LRRC7: variants seen among roughly 807,000 people sequenced by gnomAD.
LRRC7 encodes the protein leucine-rich repeat-containing protein 7.
A neutral mutation model predicts 175.7 loss-of-function variants in LRRC7; 23 were observed. The observed-to-expected ratio is 0.13, with a 90% confidence interval of 0.09 to 0.19. The LOEUF (loss-of-function observed/expected upper bound fraction) is 0.19, where lower values mean the gene tolerates loss of function less well. Ranked by LOEUF, LRRC7 falls within the 10% of genes least tolerant of loss-of-function variation. The probability of loss-of-function intolerance (pLI) is 1.00; values close to 1 mark genes in which losing one functional copy is unlikely to be tolerated. For missense variants in LRRC7, 1,354 were observed against 1,904.7 expected, an observed-to-expected ratio of 0.71 and a Z score of 5.38; for synonymous variants, 685 against 680.9, an observed-to-expected ratio of 1.01 and a Z score of -0.09.
At chr1:69,781,738 AGAGAGAG>A (rs1673613861) in intron 3 of LRRC7, among the ~76,000 whole-genome samples, 2 of 44,574 alleles carry the variant, frequency 4.5e-5, no homozygotes, top group African/African-American at 2.8e-4. Context: ...AAAGAAAGAG[AGAGAGAG>A]AGAGAGAGAG....
intron 1 of LRRC7, among the ~76,000 whole-genome samples, chr1:69,598,362 T>C (rs1327902408): frequency 6.6e-6 from 1 of 152,124 alleles, no homozygotes; most frequent in Non-Finnish European, 1.5e-5. Context: ...TTGCCTGATA[T>C]ATGAATATAT....
intron 2 of LRRC7, among the ~76,000 whole-genome samples, chr1:69,700,768 C>T (rs969726371): frequency 3.3e-5 from 5 of 152,180 alleles, no homozygotes; most frequent in African/African-American, 1.2e-4. Context: ...TCAGTTGCCA[C>T]CATTAATATG....
At chr1:70,044,623 G>A (rs1379840225) in intron 22 of LRRC7, among the ~76,000 whole-genome samples, 1 of 152,096 alleles carries the variant, frequency 6.6e-6, no homozygotes. Flanking sequence ...AGAAAAATAT[G>A]AGAAACAAGT....
At chr1:69,925,063 G>C (rs1259576566) in intron 7 of LRRC7, among the ~76,000 whole-genome samples, 1 of 152,026 alleles carries the variant, frequency 6.6e-6, no homozygotes, top group Non-Finnish European at 1.5e-5. Context: ...ATAATCATGT[G>C]GTTTTTGTCT....
chr1:69,988,290 C>T (rs188843423), intron 10 of LRRC7, among the ~76,000 whole-genome samples: 1 of 152,180 alleles, frequency 6.6e-6, no homozygotes, highest in Non-Finnish European at 1.5e-5. Context: ...CCACACTCAC[C>T]CAGGCATGGT....
chr1:70,023,401 AATCTCC>A (rs1287161791), intron 17 of LRRC7, 27 bp downstream of exon 17: 1 of 1,529,462 alleles, frequency 6.5e-7, no homozygotes, highest in Non-Finnish European at 8.8e-7. Context: ...GGGGTAGGAG[AATCTCC>A]CATGTAGAGG....
intron 2 of LRRC7, among the ~76,000 whole-genome samples, chr1:69,735,413 C>A: frequency 6.6e-6 from 1 of 152,014 alleles, no homozygotes; most frequent in East Asian, 1.9e-4. Flanking sequence ...ATTATTTCTT[C>A]ATTATTGTAT....
chr1:69,683,021 G>T (rs1364253940), intron 2 of LRRC7, among the ~76,000 whole-genome samples: 2 of 152,060 alleles, frequency 1.3e-5, no homozygotes, highest in Non-Finnish European at 2.9e-5. Flanking sequence ...ACGTCTCTCT[G>T]TTCATCCCAA....
chr1:69,712,015 G>T lies in LRRC7; in HGVS notation c.100+33537G>T, dbSNP rs1437990683. On this transcript the variant is annotated intron_variant, in intron 2 of 26. Transcript: ENST00000651989. Reference sequence around the variant, plus strand: ...ATATAATCAAAGCACTGCATGAGGAGATTGTATTTCAAAAATTTTGACTAA... The same window carrying T: ...ATATAATCAAAGCACTGCATGAGGATATTGTATTTCAAAAATTTTGACTAA... Among the ~76,000 whole-genome samples the T allele has an allele frequency of 2.6e-5, 4 of 152,118 alleles. No individual in the cohort carries two copies. In the East Asian group the frequency reaches 7.7e-4, roughly 29 times the overall value.
At chr1:69,696,925 T>C (rs1388528183) in intron 2 of LRRC7, among the ~76,000 whole-genome samples, 1 of 152,228 alleles carries the variant, frequency 6.6e-6, no homozygotes, top group Non-Finnish European at 1.5e-5. Flanking sequence ...CTTTATAAAT[T>C]ACCCAGCTTC....
intron 26 of LRRC7, among the ~76,000 whole-genome samples, chr1:70,108,523 A>G (rs888771408): frequency 6.6e-6 from 1 of 152,130 alleles, no homozygotes; most frequent in African/African-American, 2.4e-5. Context: ...TTCACTTCCT[A>G]TATAAGAGGT....
intron 8 of LRRC7, among the ~76,000 whole-genome samples, chr1:69,943,041 A>G (rs1239350082): frequency 1.3e-5 from 2 of 152,142 alleles, no homozygotes; most frequent in African/African-American, 2.4e-5. Flanking sequence ...GCCCAAGACA[A>G]TTGTTTTTCT....
intron 16 of LRRC7, 39 bp from the exon 17 acceptor site, chr1:70,023,087 C>T (rs759867882): frequency 3.2e-5 from 44 of 1,395,996 alleles, no homozygotes; most frequent in Non-Finnish European, 3.9e-5. Flanking sequence ...CTACAGTGCT[C>T]CTCTTTCTCC....
Position 70,097,409 on chromosome 1 carries a change from C to A in LRRC7, c.4545+7590C>A, listed in dbSNP as rs187578678. ...AACAAACAATTTTTCACTTCAAAAACCTTATTTTAGCAGAATTGGTTAAAG... is the reference window on the plus strand; with the variant it reads ...AACAAACAATTTTTCACTTCAAAAAACTTATTTTAGCAGAATTGGTTAAAG... On this transcript the variant is annotated intron_variant, in intron 25 of 26. Transcript: ENST00000651989. Among the ~76,000 whole-genome samples the A allele has an allele frequency of 3.5e-3, 536 of 152,242 alleles. 7 individuals are homozygous for A. Among genetic ancestry groups the A allele is most frequent in the African/African-American group, 0.012 (516 of 41,530 alleles).
intron 4 of LRRC7, among the ~76,000 whole-genome samples, chr1:69,824,910 C>T (rs1250889456): frequency 1.3e-5 from 2 of 152,200 alleles, no homozygotes; most frequent in Non-Finnish European, 2.9e-5. Context: ...TTCTTCCCTT[C>T]TAACTTTTGC....
intron 13 of LRRC7, among the ~76,000 whole-genome samples, chr1:70,013,341 A>C (rs747846744): frequency 6.6e-6 from 1 of 151,920 alleles, no homozygotes; most frequent in South Asian, 2.1e-4. Flanking sequence ...AAATTTATAT[A>C]CAAAAGCCTT....
intron 6 of LRRC7, among the ~76,000 whole-genome samples, chr1:69,836,092 C>T (rs1681069224): frequency 1.3e-5 from 2 of 151,950 alleles, no homozygotes; most frequent in South Asian, 4.1e-4. Context: ...AAATAATAGA[C>T]TAAGTATAGC....
intron 25 of LRRC7, among the ~76,000 whole-genome samples, chr1:70,107,124 T>G (rs1665200680): frequency 6.6e-6 from 1 of 152,256 alleles, no homozygotes; most frequent in South Asian, 2.1e-4. Context: ...ATGAAATTAA[T>G]TTGACTTTCT....
chr1:69,605,260 C>T (rs1032799886), intron 1 of LRRC7, among the ~76,000 whole-genome samples: 4 of 152,124 alleles, frequency 2.6e-5, no homozygotes, highest in African/African-American at 4.8e-5. Context: ...CTATGTAAGA[C>T]GTGCCTTTGT....
Sources: allele counts gnomAD v4.1 joint callset (sites outside exome capture counted in the v4.1 genomes callset), GRCh38; gene constraint gnomAD v4.1.1; transcripts MANE v1.5; gene names NCBI Gene and HGNC (gene_info 2026-07-23, HGNC 2026-07-21).